The following CNTNAP5 variants were observed in gnomAD, a reference collection of about 807,000 sequenced individuals.
CNTNAP5 encodes contactin associated protein family member 5.
CNTNAP5 carries 72 observed loss-of-function variants against 150.2 expected under a neutral mutation model. The ratio of observed to expected loss-of-function variants is 0.48; its 90% CI spans 0.40 to 0.58. The LOEUF (loss-of-function observed/expected upper bound fraction) is 0.58. Among genes scored for constraint, CNTNAP5 ranks in the 20% least tolerant of loss-of-function variants. The pLI, the probability that CNTNAP5 is intolerant of heterozygous loss-of-function variation, is 0.00. For synonymous variants in CNTNAP5, 672 were observed against 619.8 expected, an observed-to-expected ratio of 1.08 and a Z score of -1.25; for missense variants, 1,636 against 1,626.2, an observed-to-expected ratio of 1.01 and a Z score of -0.10.
At chr2:124,485,865 G>A (rs891734833) in intron 7 of CNTNAP5, among the ~76,000 whole-genome samples, 14 of 151,946 alleles carry the variant, frequency 9.2e-5, no homozygotes, top group African/African-American at 3.4e-4. Flanking sequence ...GCCCCTTATG[G>A]ACAAAGCATA....
chr2:124,172,373 T>C (rs1436884907), intron 1 of CNTNAP5, among the ~76,000 whole-genome samples: 1 of 152,134 alleles, frequency 6.6e-6, no homozygotes, highest in Non-Finnish European at 1.5e-5. Flanking sequence ...CAGTGAGTAA[T>C]ATTGACTTTT....
At chr2:124,112,097 CA>C (rs1208981670) in intron 1 of CNTNAP5, among the ~76,000 whole-genome samples, 1 of 152,192 alleles carries the variant, frequency 6.6e-6, no homozygotes, top group East Asian at 1.9e-4. Flanking sequence ...TCCCTGAAGG[CA>C]AACATAGAGA....
chr2:124,412,106 TCATGAGTGAAC>T (rs1242180633), intron 3 of CNTNAP5, among the ~76,000 whole-genome samples: 1 of 125,726 alleles, frequency 8.0e-6, no homozygotes, highest in African/African-American at 2.8e-5. Context: ...GAGAGCCAAA[TCATGAGTGAAC>T]TCCCATTCAC....
chr2:124,891,446 C>T (rs923390712), intron 21 of CNTNAP5, among the ~76,000 whole-genome samples: 1 of 152,098 alleles, frequency 6.6e-6, no homozygotes, highest in Non-Finnish European at 1.5e-5. Flanking sequence ...GACCCCATCG[C>T]TCAGTGAAGG....
chr2:124,338,896 G>A (rs1053703352), intron 3 of CNTNAP5, among the ~76,000 whole-genome samples: 2 of 152,040 alleles, frequency 1.3e-5, no homozygotes, highest in Non-Finnish European at 2.9e-5. Context: ...TAAACATTCA[G>A]GTATGGTGAA....
At chr2:124,138,998 A>C (rs1466955110) in intron 1 of CNTNAP5, among the ~76,000 whole-genome samples, 1 of 152,064 alleles carries the variant, frequency 6.6e-6, no homozygotes, top group Non-Finnish European at 1.5e-5. Context: ...CTAGGGTGCT[A>C]TATATTGAGT....
At chr2:124,095,306 G>T (rs1682908607) in intron 1 of CNTNAP5, among the ~76,000 whole-genome samples, 1 of 152,144 alleles carries the variant, frequency 6.6e-6, no homozygotes, top group Non-Finnish European at 1.5e-5. Flanking sequence ...AGAACACATG[G>T]ACATGAGGAG....
intron 19 of CNTNAP5, among the ~76,000 whole-genome samples, chr2:124,826,048 T>A (rs887133460): frequency 3.3e-5 from 5 of 152,106 alleles, no homozygotes; most frequent in Non-Finnish European, 7.3e-5. Flanking sequence ...GTTTTTTATA[T>A]AACAAACATA....
intron 3 of CNTNAP5, among the ~76,000 whole-genome samples, chr2:124,369,771 G>A (rs533647744): frequency 9.4e-4 from 143 of 152,106 alleles, no homozygotes; most frequent in African/African-American, 3.3e-3. Flanking sequence ...AATCTTCATC[G>A]GACAAATGCA....
chr2:124,212,984 G>C (rs1031463920), intron 1 of CNTNAP5, among the ~76,000 whole-genome samples: 1 of 151,792 alleles, frequency 6.6e-6, no homozygotes, highest in East Asian at 1.9e-4. Context: ...GACTACAGGC[G>C]CCTGGCACCA....
chr2:124,856,077 T>G (rs1001018375), intron 19 of CNTNAP5, among the ~76,000 whole-genome samples: 2 of 79,436 alleles, frequency 2.5e-5, no homozygotes, highest in Admixed American at 1.1e-4. Context: ...TAGTCCATGG[T>G]GTGTGTGTGT....
Position 124,513,771 on chromosome 2 carries a change from A to C in CNTNAP5, c.1327+9215A>C, listed in dbSNP as rs530124779. Among the ~76,000 whole-genome samples, 33 of 152,330 alleles carry C rather than the reference A, an allele frequency of 2.2e-4. 1 individual carries two copies. Among genetic ancestry groups the C allele is most frequent in the African/African-American group, 7.2e-4 (30 of 41,584 alleles). ...TTAGGTAAAGGGCAGGGGAGCTCCCAGAGGTAGGGAGATGGCCTGGAGAGC... is the reference window on the plus strand; with the variant it reads ...TTAGGTAAAGGGCAGGGGAGCTCCCCGAGGTAGGGAGATGGCCTGGAGAGC... On this transcript the variant is annotated intron_variant, in intron 8 of 23. Coordinates refer to ENST00000682447, the MANE Select transcript of CNTNAP5 (RefSeq NM_001367498.1).
chr2:124,335,983 C>T (rs183558347), intron 3 of CNTNAP5, among the ~76,000 whole-genome samples: 17 of 152,028 alleles, frequency 1.1e-4, no homozygotes, highest in East Asian at 7.8e-4. Context: ...GTACAAAACA[C>T]GAGACTTCAT....
intron 10 of CNTNAP5, among the ~76,000 whole-genome samples, chr2:124,537,699 T>G (rs940001194): frequency 2.0e-5 from 3 of 152,190 alleles, no homozygotes; most frequent in African/African-American, 7.2e-5. Context: ...TGCTTGAATC[T>G]CAGAAAAGAA....
chr2:124,343,305 T>G (rs1280157226), intron 3 of CNTNAP5, among the ~76,000 whole-genome samples: 4 of 152,210 alleles, frequency 2.6e-5, no homozygotes, highest in Admixed American at 2.6e-4. Flanking sequence ...ATTAATAACA[T>G]ACCCATATGA....
intron 1 of CNTNAP5, among the ~76,000 whole-genome samples, chr2:124,192,422 C>G (rs901897666): frequency 1.2e-4 from 19 of 152,270 alleles, no homozygotes; most frequent in Admixed American, 1.2e-3. Context: ...GGGTGATTCA[C>G]TGTCCTGTGG....
intron 13 of CNTNAP5, among the ~76,000 whole-genome samples, chr2:124,684,662 G>A (rs376792891): frequency 2.6e-4 from 39 of 152,146 alleles, no homozygotes; most frequent in African/African-American, 5.3e-4. Context: ...CCCACCTTGC[G>A]GAGTAGTCTT....
chr2:124,411,578 G>T (rs546022067), intron 3 of CNTNAP5, among the ~76,000 whole-genome samples: 1 of 130,400 alleles, frequency 7.7e-6, no homozygotes, highest in Non-Finnish European at 1.8e-5. Flanking sequence ...TTCAATATAC[G>T]CAAATCAATA....
At chr2:124,869,518 A>C (rs1355260853) in intron 20 of CNTNAP5, among the ~76,000 whole-genome samples, 157 bp from the exon 21 acceptor site, 1 of 152,148 alleles carries the variant, frequency 6.6e-6, no homozygotes, top group Non-Finnish European at 1.5e-5. Flanking sequence ...CGTTGTGGGC[A>C]AATTAGCGAG....
Sources: allele counts gnomAD v4.1 joint callset (sites outside exome capture counted in the v4.1 genomes callset), GRCh38; gene constraint gnomAD v4.1.1; transcripts MANE v1.5; gene names NCBI Gene and HGNC (gene_info 2026-07-23, HGNC 2026-07-21).